The following USP8 variants were observed in gnomAD, a reference collection of about 807,000 sequenced individuals.
USP8 encodes the protein ubiquitin specific peptidase 8.
A neutral mutation model predicts 130.0 loss-of-function variants in USP8; 27 were observed. The ratio of observed to expected loss-of-function variants is 0.21; its 90% CI spans 0.15 to 0.29. The LOEUF (loss-of-function observed/expected upper bound fraction) is 0.29, where lower values mean the gene tolerates loss of function less well. Ranked by LOEUF, USP8 falls within the 10% of genes least tolerant of loss-of-function variation. The probability of loss-of-function intolerance (pLI) is 1.00; values close to 1 mark genes in which losing one functional copy is unlikely to be tolerated. For missense variants in USP8, 1,029 were observed against 1,312.2 expected, an observed-to-expected ratio of 0.78 and a Z score of 3.33; for synonymous variants, 392 against 444.1, an observed-to-expected ratio of 0.88 and a Z score of 1.48.
At chr15:50,484,060 T>A (rs2051866121) in intron 11 of USP8, among the ~76,000 whole-genome samples, 1 of 151,880 alleles carries the variant, frequency 6.6e-6, no homozygotes, top group African/African-American at 2.4e-5. Context: ...TCCACTTTGA[T>A]TTTCATCTTT....
intron 7 of USP8, among the ~76,000 whole-genome samples, chr15:50,467,939 A>T (rs954210401): frequency 1.3e-5 from 2 of 150,314 alleles, no homozygotes; most frequent in African/African-American, 4.9e-5. Flanking sequence ...ATTTATTTTT[A>T]TTTATTTATT....
At chr15:50,440,364 A>T (rs2050217546) in intron 2 of USP8, among the ~76,000 whole-genome samples, 1 of 152,132 alleles carries the variant, frequency 6.6e-6, no homozygotes. Flanking sequence ...ACTTGCATCT[A>T]ACTTTGTATC....
intron 12 of USP8, among the ~76,000 whole-genome samples, chr15:50,487,814 CAACTA>C (rs2052017459): frequency 6.6e-6 from 1 of 152,186 alleles, no homozygotes; most frequent in Non-Finnish European, 1.5e-5. Flanking sequence ...ATTTGCTGAG[CAACTA>C]CTATGTCTCT....
At chr15:50,477,063 C>G (rs2051591626) in intron 9 of USP8, 70 bp downstream of exon 9, 2 of 1,565,130 alleles carry the variant, frequency 1.3e-6, no homozygotes, top group African/African-American at 1.4e-5. Context: ...TTCCCGGTAA[C>G]ATTCTTGGTT....
chr15:50,469,264 AATTT>A (rs956859816), intron 7 of USP8, among the ~76,000 whole-genome samples: 1 of 151,952 alleles, frequency 6.6e-6, no homozygotes, highest in African/African-American at 2.4e-5. Context: ...TTTCCTATTA[AATTT>A]ATTTAAGTAA....
At chr15:50,430,174 ATTG>A (rs2049885772) in intron 1 of USP8, among the ~76,000 whole-genome samples, 3 of 152,058 alleles carry the variant, frequency 2.0e-5, no homozygotes, top group South Asian at 4.1e-4. Flanking sequence ...GTAGGTATCT[ATTG>A]TTTACCTAAT....
chr15:50,460,527 T>C (rs1455201680), intron 5 of USP8, among the ~76,000 whole-genome samples: 1 of 151,982 alleles, frequency 6.6e-6, no homozygotes, highest in African/African-American at 2.4e-5. Context: ...CAGGCTGTTC[T>C]TGAACTCCTG....
chr15:50,479,314 C>G (rs3098171), intron 10 of USP8, among the ~76,000 whole-genome samples: 71,715 of 151,902 alleles, frequency 0.47, 17,364 homozygotes, highest in East Asian at 0.58. Flanking sequence ...GTAGAAAATT[C>G]TATGACCAAA....
intron 12 of USP8, among the ~76,000 whole-genome samples, chr15:50,485,090 G>T (rs911485195): frequency 2.0e-5 from 3 of 152,140 alleles, no homozygotes; most frequent in Non-Finnish European, 4.4e-5. Context: ...TCACTAACCA[G>T]TGCACCTAAA....
intron 5 of USP8, among the ~76,000 whole-genome samples, chr15:50,461,155 G>C (rs1243639323): frequency 6.6e-6 from 1 of 152,028 alleles, no homozygotes; most frequent in Admixed American, 6.6e-5. Flanking sequence ...ACCACGCCCG[G>C]CTAATTTTAT....
At chr15:50,429,273 C>A (rs1490798673) in intron 1 of USP8, among the ~76,000 whole-genome samples, 1 of 146,496 alleles carries the variant, frequency 6.8e-6, no homozygotes, top group Non-Finnish European at 1.5e-5. Flanking sequence ...AATTTCAGAA[C>A]AAGAGTTATG....
At chr15:50,470,934 A>G (rs1647634020) in intron 7 of USP8, among the ~76,000 whole-genome samples, 1 of 152,174 alleles carries the variant, frequency 6.6e-6, no homozygotes, top group South Asian at 2.1e-4. Flanking sequence ...GATGATGTGA[A>G]CATTGTGCTT....
Position 50,484,364 on chromosome 15 carries a change from AAGT to A in USP8, c.1890+7_1890+9del. 1 of 1,608,092 alleles carries A rather than the reference AAGT, an allele frequency of 6.2e-7. No homozygotes were observed. Among genetic ancestry groups the A allele is most frequent in the South Asian group, 1.1e-5 (1 of 89,848 alleles). ...CAGACGATACCGAAAGAAATAAAGTAAGTAGTTTATTGCAGGAAAAAACTGGAA... is the reference window on the plus strand; with the variant it reads ...CAGACGATACCGAAAGAAATAAAGTAAGTTTATTGCAGGAAAAAACTGGAA... On this transcript the variant is annotated splice_donor_5th_base_variant and intron_variant, in intron 12 of 19. Coordinates refer to ENST00000307179, the MANE Select transcript of USP8 (RefSeq NM_005154.5).
At position 50,498,839 on chromosome 15, in the gene USP8, A is replaced by G. The variant is rs1227949584; in HGVS notation, c.3172-64A>G. The stretch of plus-strand genomic sequence containing the variant: ...AAGAACAACATAAAGCTTTGAAACT[A>G]TTGGCGTATTTTAAATAACAATTTT... On this transcript the variant is annotated intron_variant, in intron 19 of 19. Transcript: ENST00000307179. 9 of 1,550,204 alleles carry G rather than the reference A, an allele frequency of 5.8e-6. No individual in the cohort carries two copies. The East Asian group carries it at 9.1e-5, about 16-fold the overall frequency.
intron 14 of USP8, among the ~76,000 whole-genome samples, chr15:50,492,045 A>G (rs1339920300): frequency 6.6e-6 from 1 of 150,974 alleles, no homozygotes; most frequent in Non-Finnish European, 1.5e-5. Flanking sequence ...TATTTTTAGT[A>G]GAGACGGGGT....
intron 12 of USP8, among the ~76,000 whole-genome samples, chr15:50,488,903 A>G (rs2052059895): frequency 6.6e-6 from 1 of 151,914 alleles, no homozygotes; most frequent in Non-Finnish European, 1.5e-5. Flanking sequence ...ATTTTTTTAT[A>G]GAGACGGGGT....
chr15:50,439,247 A>C, intron 2 of USP8, 70 bp downstream of exon 2: 1 of 992,402 alleles, frequency 1.0e-6, no homozygotes. Flanking sequence ...TATTAAAGTT[A>C]GATGAATGTT....
intron 3 of USP8, 32 bp from the exon 4 acceptor site, chr15:50,449,368 A>G: frequency 6.9e-7 from 1 of 1,452,130 alleles, no homozygotes; most frequent in Non-Finnish European, 9.4e-7. Context: ...GCCGAGAACT[A>G]ACAATATGGG....
intron 7 of USP8, 115 bp from the exon 8 acceptor site, chr15:50,471,518 A>T: frequency 9.3e-7 from 1 of 1,074,028 alleles, no homozygotes; most frequent in Non-Finnish European, 1.3e-6. Flanking sequence ...AAAGGAATCT[A>T]CTTAAAATTT....
Sources: allele counts gnomAD v4.1 joint callset (sites outside exome capture counted in the v4.1 genomes callset), GRCh38; gene constraint gnomAD v4.1.1; transcripts MANE v1.5; gene names NCBI Gene and HGNC (gene_info 2026-07-23, HGNC 2026-07-21).